Variants in ATP9A observed in about 807,000 individuals in gnomAD.
The protein encoded by ATP9A is ATPase phospholipid transporting 9A.
Under a neutral mutation model 144.1 loss-of-function variants are expected in ATP9A, and 52 were observed. The observed-to-expected ratio is 0.36, with a 90% confidence interval of 0.29 to 0.45. The LOEUF (loss-of-function observed/expected upper bound fraction) is 0.45, where lower values mean the gene tolerates loss of function less well. Ranked by LOEUF, ATP9A falls within the 20% of genes least tolerant of loss-of-function variation. The pLI, the probability that ATP9A is intolerant of heterozygous loss-of-function variation, is 1.00. For synonymous variants in ATP9A, 582 were observed against 557.4 expected, an observed-to-expected ratio of 1.04 and a Z score of -0.62; for missense variants, 947 against 1,392.7, an observed-to-expected ratio of 0.68 and a Z score of 5.09.
intron 1 of ATP9A, among the ~76,000 whole-genome samples, chr20:51,751,261 G>T (rs201041166): frequency 0.029 from 3,370 of 115,090 alleles, 59 homozygotes; most frequent in Non-Finnish European, 0.042. Context: ...GGTTTTTTTT[G>T]TTTTTTTTTT....
chr20:51,746,933 G>A (rs1324256698), intron 1 of ATP9A, among the ~76,000 whole-genome samples: 1 of 146,180 alleles, frequency 6.8e-6, no homozygotes, highest in Non-Finnish European at 1.5e-5. Flanking sequence ...TTGAACCCAG[G>A]AGGCGGAGGT....
intron 1 of ATP9A, chr20:51,732,262 A>G (rs6096550): frequency 0.56 from 85,648 of 152,022 alleles, 24,410 homozygotes; most frequent in African/African-American, 0.58. Flanking sequence ...CTGCAACAAA[A>G]ACGTCCCTCG....
rs1378569736 is a variant in ATP9A at position 51,636,394 on chromosome 20, C to T, written c.1668+2949G>A. Among the ~76,000 whole-genome samples the T allele has an allele frequency of 2.6e-5, 4 of 152,174 alleles. No homozygotes were observed. The East Asian group carries it at 5.8e-4, about 22-fold the overall frequency. On this transcript the variant is annotated intron_variant, in intron 15 of 27. Coordinates refer to ENST00000338821, the MANE Select transcript of ATP9A (RefSeq NM_006045.3). ...CTGCAGTTGACCATGGGTAACTGAA[C>T]CTGCAGATAAGTGGGGATTACCATA...
chr20:51,650,508 T>C (rs2077359335), intron 14 of ATP9A, among the ~76,000 whole-genome samples: 1 of 150,326 alleles, frequency 6.7e-6, no homozygotes, highest in Admixed American at 6.6e-5. Flanking sequence ...CACTCCAGCC[T>C]GGGTGACAGA....
chr20:51,628,415 G>C (rs185846527), intron 16 of ATP9A, among the ~76,000 whole-genome samples: 10 of 152,252 alleles, frequency 6.6e-5, no homozygotes, highest in Non-Finnish European at 1.3e-4. Flanking sequence ...CTAGTGACTT[G>C]TCCCTAACAA....
At position 51,604,932 on chromosome 20, in the gene ATP9A, G is replaced by C; in HGVS notation, c.2892C>G (p.Thr964=). The part of the protein sequence containing the change: ...VAISFTSLIL[T]ELLMVALTIQ... ...TGGTCAGCGCCACCATGAGCAGCTC[G>C]GTGAGGATCAGCGAGGTGAAGGAGA... The change falls in exon 27 of 28, where the codon ACC becomes ACG. Residue 964 remains threonine (T), a synonymous_variant. Transcript: ENST00000338821. 6.2e-7 allele frequency: 1 copy of C among 1,613,438 alleles called. No homozygotes were observed. The highest frequency in any genetic ancestry group is 1.1e-5 in the South Asian group (1 of 90,978).
At chr20:51,725,260 C>T (rs952823122) in intron 3 of ATP9A, among the ~76,000 whole-genome samples, 4 of 152,166 alleles carry the variant, frequency 2.6e-5, no homozygotes, top group Middle Eastern at 3.4e-3. Flanking sequence ...GTAGTTGGGA[C>T]TACAGGCACG....
At chr20:51,622,602 C>CA (rs1388507508) in intron 18 of ATP9A, among the ~76,000 whole-genome samples, 2 of 152,208 alleles carry the variant, frequency 1.3e-5, no homozygotes, top group African/African-American at 4.8e-5. Flanking sequence ...ATGAGCAAGA[C>CA]AGACCCTTCT....
At chr20:51,685,265 C>T (rs907312951) in intron 9 of ATP9A, among the ~76,000 whole-genome samples, 18 of 152,010 alleles carry the variant, frequency 1.2e-4, no homozygotes, top group African/African-American at 4.3e-4. Flanking sequence ...GGCCTTCCAA[C>T]AGCCATCCTG....
chr20:51,768,285 G>T lies in ATP9A; in HGVS notation c.68+17C>A. ...GGAGGCGCGGACAAAGGAAAACACG[G>T]GCCCAGGCCCACTCACCCGGCGCGG... On this transcript the variant is annotated intron_variant, in intron 1 of 27. Transcript: ENST00000338821. 1 of 1,270,988 alleles carries T rather than the reference G, an allele frequency of 7.9e-7. No individual in the cohort carries two copies. The highest frequency in any genetic ancestry group is 3.2e-5 in the East Asian group (1 of 31,152). 78.7% of individuals were successfully genotyped at this position (1,270,988 alleles called of 1,614,324 possible). A position where few individuals can be genotyped will look rare whatever the true frequency, so the allele number is the denominator to read the frequency against.
Position 51,622,058 on chromosome 20 carries a change from G to A in ATP9A, c.2115+16C>T, listed in dbSNP as rs747980361. 1.1e-5 allele frequency: 18 copies of A among 1,610,858 alleles called. No homozygotes were observed. The highest frequency in any genetic ancestry group is 1.6e-4 in the Middle Eastern group (1 of 6,074). ...AACATCATCCCCACATGGCCCTAAC[G>A]CAGAGGACACTTTACCAGCCGAAAA... On this transcript the variant is annotated intron_variant, in intron 19 of 27. Coordinates refer to ENST00000338821, the MANE Select transcript of ATP9A (RefSeq NM_006045.3).
intron 6 of ATP9A, 26 bp from the exon 7 acceptor site, chr20:51,694,128 A>G (rs777218728): frequency 6.3e-7 from 1 of 1,595,346 alleles, no homozygotes; most frequent in South Asian, 1.1e-5. Context: ...GGGTGCCGTC[A>G]CCTGCACCTC....
intron 6 of ATP9A, among the ~76,000 whole-genome samples, chr20:51,695,651 A>C (rs2077567708): frequency 6.6e-6 from 1 of 152,048 alleles, no homozygotes; most frequent in Non-Finnish European, 1.5e-5. Context: ...AGGTCCCCTG[A>C]CTCATGAACA....
At chr20:51,709,580 T>TA (rs1568830499) in intron 4 of ATP9A, among the ~76,000 whole-genome samples, 1 of 152,028 alleles carries the variant, frequency 6.6e-6, no homozygotes, top group African/African-American at 2.4e-5. Flanking sequence ...AATAGAAATT[T>TA]AGCAGGGCGT....
chr20:51,729,899 C>G lies in ATP9A; in HGVS notation c.148G>C (p.Asp50His), dbSNP rs1161771356. The change falls in exon 2 of 28, where the codon GAC (aspartate) becomes CAC (histidine). Residue 50 changes from aspartate (D) to histidine (H), a missense_variant. Physicochemically the swap from Asp to His is moderately conservative, Grantham distance 81. Around this residue, in one of 2 missense-constraint regions of ATP9A, gnomAD observed 770 missense variants for 1,047.9 expected, o/e 0.73. Coordinates refer to ENST00000338821, the MANE Select transcript of ATP9A (RefSeq NM_006045.3). ...TVWLGHPEKR[D>H]QRYPRNVINN... ...ATGACATTCCGAGGATACCTCTGGT[C>G]TCTCTTCTCGGGGTGCCCCAGCCAG... 5.0e-6 allele frequency: 8 copies of G among 1,607,350 alleles called. No individual in the cohort carries two copies.
At chr20:51,738,370 T>C (rs2077771288) in intron 1 of ATP9A, among the ~76,000 whole-genome samples, 1 of 152,110 alleles carries the variant, frequency 6.6e-6, no homozygotes, top group Non-Finnish European at 1.5e-5. Flanking sequence ...GAACTGCATA[T>C]AGATTGGGGC....
intron 18 of ATP9A, 21 bp downstream of exon 18, chr20:51,625,171 C>T: frequency 6.3e-7 from 1 of 1,598,906 alleles, no homozygotes; most frequent in Non-Finnish European, 8.5e-7. Context: ...AGTGCCCTTC[C>T]CTGCGGGCAG....
At chr20:51,646,591 C>A (rs2077343236) in intron 14 of ATP9A, among the ~76,000 whole-genome samples, 1 of 152,214 alleles carries the variant, frequency 6.6e-6, no homozygotes, top group South Asian at 2.1e-4. Context: ...AGGCATAGGG[C>A]AGGGCCATGT....
chr20:51,674,677 C>T (rs1265561028), intron 10 of ATP9A, among the ~76,000 whole-genome samples: 2 of 152,198 alleles, frequency 1.3e-5, no homozygotes, highest in Non-Finnish European at 2.9e-5. Flanking sequence ...CTCCACCACC[C>T]TGCAGAGTGC....
Sources: gnomAD v4.1 joint callset for allele counts (sites outside exome capture counted in the v4.1 genomes callset) on GRCh38, gnomAD v4.1.1 for gene constraint, gnomAD v4.1.1 regional missense constraint, MANE v1.5 for transcripts, NCBI Gene and HGNC (gene_info 2026-07-23, HGNC 2026-07-21) for gene names.